Variants in GATAD2B observed in about 807,000 individuals in gnomAD.
GATAD2B encodes transcriptional repressor p66-beta.
In GATAD2B, 8 loss-of-function variants were observed where a neutral mutation model predicts 64.3. The ratio of observed to expected loss-of-function variants is 0.12; its 90% CI spans 0.07 to 0.22. The LOEUF (loss-of-function observed/expected upper bound fraction) is 0.22. Ranked by LOEUF, GATAD2B falls within the 10% of genes least tolerant of loss-of-function variation. GATAD2B has a pLI of 1.00. For missense variants in GATAD2B, 453 were observed against 752.0 expected (o/e 0.60, Z 4.65); for synonymous variants, 281 against 271.3 (o/e 1.04, Z -0.35).
rs549862223 is a variant in GATAD2B, at chr1:153,830,088, T to A, written c.-1-1740A>T. 6.6e-5 allele frequency among the ~76,000 whole-genome samples: 10 copies of A among 152,070 alleles called. No individual in the cohort carries two copies. In the East Asian group the frequency reaches 1.9e-3, roughly 30 times the overall value. On this transcript the variant is annotated intron_variant, in intron 1 of 10. Coordinates refer to ENST00000368655, the MANE Select transcript of GATAD2B (RefSeq NM_020699.4). ...TCCAGCCTGGGTGACAGAGTGAAACTGTCTCAAAACAAAAACAAAACAAGA... is the reference window on the plus strand; with the variant it reads ...TCCAGCCTGGGTGACAGAGTGAAACAGTCTCAAAACAAAAACAAAACAAGA...
intron 1 of GATAD2B, among the ~76,000 whole-genome samples, chr1:153,916,288 A>G (rs886397640): frequency 3.3e-5 from 5 of 152,060 alleles, no homozygotes; most frequent in South Asian, 2.1e-4. Context: ...AAAAAAAAAA[A>G]AAAAAGAAAA....
At chr1:153,863,972 C>A (rs1440182115) in intron 1 of GATAD2B, among the ~76,000 whole-genome samples, 1 of 152,000 alleles carries the variant, frequency 6.6e-6, no homozygotes, top group African/African-American at 2.4e-5. Flanking sequence ...TGTAGGCTTT[C>A]CTTAGGAATA....
intron 1 of GATAD2B, among the ~76,000 whole-genome samples, chr1:153,878,729 A>C (rs1358084251): frequency 6.6e-6 from 1 of 151,764 alleles, no homozygotes; most frequent in Non-Finnish European, 1.5e-5. Flanking sequence ...AGCAAAAATA[A>C]ACTCACATAA....
chr1:153,818,020 T>A lies in GATAD2B; in HGVS notation c.729+20A>T, dbSNP rs2101881288. The A allele has an allele frequency of 6.4e-7, 1 of 1,570,740 alleles. No individual in the cohort carries two copies. Among genetic ancestry groups the A allele is most frequent in the Non-Finnish European group, 8.6e-7 (1 of 1,159,760 alleles). Reference sequence around the variant, plus strand: ...TAGACACGGCCCTCCAACACTAAGATCCCACTATGGGTCACATACCTGTAA... The same window carrying A: ...TAGACACGGCCCTCCAACACTAAGAACCCACTATGGGTCACATACCTGTAA... On this transcript the variant is annotated intron_variant, in intron 5 of 10. Coordinates refer to ENST00000368655, the MANE Select transcript of GATAD2B (RefSeq NM_020699.4).
At position 153,816,687 on chromosome 1, in the gene GATAD2B, ACTTAGCTTCTCC is replaced by A; in HGVS notation, c.901-111_901-100del. On this transcript the variant is annotated intron_variant, in intron 6 of 10. Transcript: ENST00000368655. The surrounding 1 kb of genome is among the most constrained non-coding windows in gnomAD (Gnocchi z 4.9). ...ACACTGTCTGATCCTGGTTTGGACT[ACTTAGCTTCTCC>A]AAAAATAGGAGGTGGTCAACTTATT... 1.4e-6 allele frequency: 1 copy of A among 723,826 alleles called. No homozygotes were observed. Among genetic ancestry groups the A allele is most frequent in the Non-Finnish European group, 2.3e-6 (1 of 440,248 alleles). 44.8% of individuals were successfully genotyped at this position (723,826 alleles called of 1,614,324 possible).
Position 153,804,928 on chromosome 1 carries a change from T to C in GATAD2B, c.*5249A>G, listed in dbSNP as rs1674065805. 6.6e-6 allele frequency: 1 copy of C among 152,414 alleles called. No individual in the cohort carries two copies. The highest frequency in any genetic ancestry group is 6.5e-5 in the Admixed American group (1 of 15,284). The allele number at this position is 152,414 out of a possible 1,614,324, so 9.4% of individuals were successfully genotyped here. On this transcript the variant is annotated 3_prime_UTR_variant, in exon 11 of 11. Coordinates refer to ENST00000368655, the MANE Select transcript of GATAD2B (RefSeq NM_020699.4). ...TCTATTGGTCTTAGTTTTTTCATTT[T>C]ATTTCCCAAACACAATGCAGAAAAT...
chr1:153,869,217 G>A (rs905836905), intron 1 of GATAD2B, among the ~76,000 whole-genome samples: 10 of 151,608 alleles, frequency 6.6e-5, no homozygotes, highest in African/African-American at 1.5e-4. Context: ...ACTTGAACCC[G>A]GGAGGCAGAG....
chr1:153,854,778 G>A (rs1676024143), intron 1 of GATAD2B, among the ~76,000 whole-genome samples: 1 of 152,140 alleles, frequency 6.6e-6, no homozygotes, highest in Non-Finnish European at 1.5e-5. Context: ...CTCCACAGAC[G>A]ACTAATTGCA....
intron 1 of GATAD2B, among the ~76,000 whole-genome samples, chr1:153,875,309 T>C (rs1007929163): frequency 3.3e-5 from 5 of 152,062 alleles, no homozygotes; most frequent in African/African-American, 9.7e-5. Context: ...ATGGAAGAAC[T>C]GTCTTGGGCC....
At chr1:153,900,139 C>G (rs12022730) in intron 1 of GATAD2B, among the ~76,000 whole-genome samples, 1 of 151,808 alleles carries the variant, frequency 6.6e-6, no homozygotes, top group Non-Finnish European at 1.5e-5. Context: ...TTTTACTGGG[C>G]GCAGTGAGTG....
chr1:153,863,406 G>A (rs1337891736), intron 1 of GATAD2B, among the ~76,000 whole-genome samples: 2 of 150,808 alleles, frequency 1.3e-5, no homozygotes, highest in Admixed American at 6.6e-5. Context: ...TGAGGCAGGA[G>A]AATCACTTGA....
chr1:153,832,646 A>G (rs965534391), intron 1 of GATAD2B, among the ~76,000 whole-genome samples: 8 of 152,188 alleles, frequency 5.3e-5, no homozygotes, highest in African/African-American at 1.9e-4. Flanking sequence ...TCCCTTTTTA[A>G]AATTTTCTAA....
chr1:153,824,791 GA>G (rs1426546024), intron 2 of GATAD2B, among the ~76,000 whole-genome samples: 4 of 151,514 alleles, frequency 2.6e-5, no homozygotes, highest in African/African-American at 9.7e-5. Flanking sequence ...AAGTTTCTAT[GA>G]AAAATGTTGG....
At chr1:153,863,968 C>T (rs1263414703) in intron 1 of GATAD2B, among the ~76,000 whole-genome samples, 1 of 152,106 alleles carries the variant, frequency 6.6e-6, no homozygotes, top group Non-Finnish European at 1.5e-5. Context: ...CGGATGTAGG[C>T]TTTCCTTAGG....
At chr1:153,885,156 G>GC (rs1424860341) in intron 1 of GATAD2B, among the ~76,000 whole-genome samples, 1 of 152,064 alleles carries the variant, frequency 6.6e-6, no homozygotes, top group Non-Finnish European at 1.5e-5. Flanking sequence ...TGGCTCCAAA[G>GC]CCCATATGCT....
intron 2 of GATAD2B, among the ~76,000 whole-genome samples, chr1:153,823,599 T>C (rs1272292436): frequency 6.6e-6 from 1 of 151,504 alleles, no homozygotes; most frequent in East Asian, 1.9e-4. Context: ...ATTCTCCCAC[T>C]TTGGCCTCCC....
At chr1:153,882,190 A>G (rs1677030949) in intron 1 of GATAD2B, among the ~76,000 whole-genome samples, 1 of 152,088 alleles carries the variant, frequency 6.6e-6, no homozygotes, top group African/African-American at 2.4e-5. Context: ...CCTAGTGCCA[A>G]ACTTTGTCTT....
chr1:153,852,208 AC>A, intron 1 of GATAD2B: 1 of 1,053,760 alleles, frequency 9.5e-7, no homozygotes, highest in South Asian at 1.3e-5. Context: ...AAAGGGACCT[AC>A]CAGCCAGTTG....
intron 4 of GATAD2B, among the ~76,000 whole-genome samples, chr1:153,818,508 G>A (rs991217401): frequency 2.6e-5 from 4 of 151,938 alleles, no homozygotes; most frequent in African/African-American, 9.7e-5. Context: ...TAGAGATGGG[G>A]TTTCACCATG....
Sources: gnomAD v4.1 joint callset for allele counts (sites outside exome capture counted in the v4.1 genomes callset) on GRCh38, gnomAD v4.1.1 for gene constraint, Gnocchi (gnomAD v3.1) non-coding constraint, MANE v1.5 for transcripts, NCBI Gene and HGNC (gene_info 2026-07-23, HGNC 2026-07-21) for gene names.